Variants in USP13 observed in about 807,000 individuals in gnomAD.
USP13 encodes ubiquitin carboxyl-terminal hydrolase 13.
USP13 carries 68 observed loss-of-function variants against 107.8 expected under a neutral mutation model. The observed-to-expected ratio is 0.63, with a 90% CI of 0.52 to 0.77. USP13 has a LOEUF of 0.77. Among genes scored for constraint, USP13 ranks in the 30% least tolerant of loss-of-function variants. The pLI, the probability that USP13 is intolerant of heterozygous loss-of-function variation, is 0.00. For missense variants in USP13, 945 were observed against 1,093.3 expected, an observed-to-expected ratio of 0.86 and a Z score of 1.91; for synonymous variants, 377 against 389.5, an observed-to-expected ratio of 0.97 and a Z score of 0.38.
chr3:179,674,731 G>T (rs1220790706), intron 1 of USP13, among the ~76,000 whole-genome samples: 1 of 151,990 alleles, frequency 6.6e-6, no homozygotes, highest in Non-Finnish European at 1.5e-5. Flanking sequence ...TATTGTAGGA[G>T]AGGATATACG....
In USP13 at chr3:179,712,344, C is replaced by T. The variant is rs113366599; in HGVS notation, c.805+3387C>T. The stretch of plus-strand genomic sequence containing the variant: ...TATTCAGTGTAACATATGTAGAAAA[C>T]AGAGATAAAAGTTTAGATAAATCAA... On this transcript the variant is annotated intron_variant, in intron 6 of 20. Coordinates refer to ENST00000263966, the MANE Select transcript of USP13 (RefSeq NM_003940.3). 6.6e-5 allele frequency among the ~76,000 whole-genome samples: 10 copies of T among 152,196 alleles called. No individual in the cohort carries two copies. In the South Asian group the frequency reaches 8.3e-4, roughly 13 times the overall value.
chr3:179,756,189 C>T (rs1432229689), intron 15 of USP13, among the ~76,000 whole-genome samples: 1 of 152,108 alleles, frequency 6.6e-6, no homozygotes, highest in Non-Finnish European at 1.5e-5. Flanking sequence ...CTTGGGGAGG[C>T]CAAGGCGGGC....
At chr3:179,779,583 C>T (rs568963986) in intron 19 of USP13, among the ~76,000 whole-genome samples, 63 of 151,992 alleles carry the variant, frequency 4.1e-4, no homozygotes, top group Non-Finnish European at 6.9e-4. Context: ...AAGGCAGCTG[C>T]GCCCTCACAC....
At chr3:179,748,805 T>G (rs1027801485) in intron 13 of USP13, among the ~76,000 whole-genome samples, 1 of 152,126 alleles carries the variant, frequency 6.6e-6, no homozygotes, top group Non-Finnish European at 1.5e-5. Context: ...ATGCCCAATG[T>G]TTGAATGCCC....
intron 3 of USP13, 147 bp downstream of exon 3, chr3:179,690,448 C>G: frequency 4.5e-6 from 3 of 672,954 alleles, no homozygotes; most frequent in Non-Finnish European, 7.2e-6. Flanking sequence ...CCCGCCTCCA[C>G]TTTGCGTTTA....
chr3:179,771,538 T>G (rs1715342467), intron 19 of USP13, among the ~76,000 whole-genome samples: 1 of 152,234 alleles, frequency 6.6e-6, no homozygotes, highest in Non-Finnish European at 1.5e-5. Flanking sequence ...AATTAGGAAC[T>G]CTGGGTGAGG....
intron 1 of USP13, among the ~76,000 whole-genome samples, chr3:179,655,088 A>G (rs958334347): frequency 1.7e-5 from 1 of 58,070 alleles, no homozygotes; most frequent in East Asian, 6.9e-4. Context: ...GTGGAGAGGG[A>G]TGATGGTCCT....
chr3:179,706,073 G>T (rs1190835370), intron 4 of USP13, among the ~76,000 whole-genome samples: 1 of 151,752 alleles, frequency 6.6e-6, no homozygotes, highest in Non-Finnish European at 1.5e-5. Flanking sequence ...TTGTGTACAG[G>T]TTTTTGTGTG....
chr3:179,786,834 C>G lies in USP13; in HGVS notation c.*2693C>G, dbSNP rs1715926706. The G allele has an allele frequency of 1.3e-5, 2 of 152,306 alleles. No homozygotes were observed. Among genetic ancestry groups the G allele is most frequent in the South Asian group, 4.1e-4 (2 of 4,820 alleles). 9.4% of individuals were successfully genotyped at this position (152,306 alleles called of 1,614,324 possible). ...CATGGTGGTCTAATTGTGAAATTCT[C>G]CCTGTATATGGGTGTCTGTGTGAAA... On this transcript the variant is annotated 3_prime_UTR_variant, in exon 21 of 21. Transcript: ENST00000263966.
At chr3:179,713,728 G>A (rs563457674) in intron 6 of USP13, among the ~76,000 whole-genome samples, 8 of 152,320 alleles carry the variant, frequency 5.3e-5, no homozygotes, top group African/African-American at 1.7e-4. Context: ...CCTGTGGGAA[G>A]CTGAATTATA....
chr3:179,653,101 G>A lies in USP13; in HGVS notation c.-125G>A, dbSNP rs1169951876. On this transcript the variant is annotated 5_prime_UTR_variant, in exon 1 of 21. Transcript: ENST00000263966. The surrounding 1 kb of genome is among the most constrained non-coding windows in gnomAD (Gnocchi z 4.0). ...GCAGCCCGCTCTCCCCGCCCGCCCC[G>A]GCTCGGCCGGCTGCCGTTGCCCGCG... is the stretch of plus-strand genomic sequence containing the variant. 3.5e-6 allele frequency: 3 copies of A among 859,360 alleles called. No homozygotes were observed. Among genetic ancestry groups the A allele is most frequent in the Admixed American group, 6.3e-5 (1 of 15,786 alleles). The allele number at this position is 859,360 out of a possible 1,614,324, so 53.2% of individuals were successfully genotyped here.
chr3:179,696,462 C>T (rs763376277), intron 3 of USP13, among the ~76,000 whole-genome samples: 2 of 151,656 alleles, frequency 1.3e-5, no homozygotes, highest in Non-Finnish European at 2.9e-5. Context: ...TCCTGAGTAG[C>T]TGGGATTACA....
intron 19 of USP13, among the ~76,000 whole-genome samples, chr3:179,767,355 C>A (rs931111660): frequency 6.6e-6 from 1 of 152,018 alleles, no homozygotes; most frequent in African/African-American, 2.4e-5. Context: ...GATAGAACCA[C>A]AATTCCAGTG....
intron 10 of USP13, among the ~76,000 whole-genome samples, chr3:179,735,711 TC>T (rs1419780022): frequency 1.3e-5 from 2 of 152,186 alleles, no homozygotes; most frequent in African/African-American, 4.8e-5. Context: ...CCTTCTTTCT[TC>T]TTTTAACATA....
intron 16 of USP13, among the ~76,000 whole-genome samples, chr3:179,759,515 T>A (rs759329167): frequency 5.3e-5 from 8 of 152,300 alleles, no homozygotes; most frequent in Middle Eastern, 3.4e-3. Flanking sequence ...ACTTATCTGA[T>A]CACAGAAACT....
chr3:179,721,321 C>T lies in USP13; in HGVS notation c.901-81C>T, dbSNP rs922526519. On this transcript the variant is annotated intron_variant, in intron 7 of 20. Transcript: ENST00000263966. The surrounding 1 kb of genome is among the most constrained non-coding windows in gnomAD (Gnocchi z 4.3). ...AAAAAAATGGCAGAAACATCCTATG[C>T]TGTTAGAAATAATTAACGGGACATG... The T allele has an allele frequency of 1.4e-6, 2 of 1,462,204 alleles. No homozygotes were observed. Among genetic ancestry groups the T allele is most frequent in the East Asian group, 2.3e-5 (1 of 43,338 alleles). 90.6% of individuals were successfully genotyped at this position (1,462,204 alleles called of 1,614,324 possible). A position where few individuals can be genotyped will look rare whatever the true frequency, so the allele number is the denominator to read the frequency against.
At chr3:179,729,992 C>A (rs1713739722) in intron 8 of USP13, among the ~76,000 whole-genome samples, 197 bp from the exon 9 acceptor site, 1 of 152,174 alleles carries the variant, frequency 6.6e-6, no homozygotes, top group Non-Finnish European at 1.5e-5. Context: ...AGGGTTGAGA[C>A]CCACTGATAG....
chr3:179,716,443 G>A (rs1713115752), intron 6 of USP13, among the ~76,000 whole-genome samples: 1 of 152,126 alleles, frequency 6.6e-6, no homozygotes, highest in Non-Finnish European at 1.5e-5. Context: ...ACTTATGAGG[G>A]CAGGGACTCT....
intron 19 of USP13, among the ~76,000 whole-genome samples, chr3:179,780,121 C>G (rs148412654): frequency 6.6e-6 from 1 of 152,322 alleles, no homozygotes; most frequent in Non-Finnish European, 1.5e-5. Flanking sequence ...CCACAGTTCA[C>G]CTTACACTTA....
Sources: gnomAD v4.1 joint callset for allele counts (sites outside exome capture counted in the v4.1 genomes callset) on GRCh38, gnomAD v4.1.1 for gene constraint, Gnocchi (gnomAD v3.1) non-coding constraint, MANE v1.5 for transcripts, NCBI Gene and HGNC (gene_info 2026-07-23, HGNC 2026-07-21) for gene names.